MPP7: variants seen among roughly 807,000 people sequenced by gnomAD.
MPP7 encodes the protein MAGUK p55 subfamily member 7.
A neutral mutation model predicts 76.5 loss-of-function variants in MPP7; 60 were observed. The observed-to-expected ratio is 0.78, with a 90% confidence interval of 0.64 to 0.97. The LOEUF (loss-of-function observed/expected upper bound fraction) is 0.97, where lower values mean the gene tolerates loss of function less well. MPP7 is among the 50% of genes least tolerant of loss of function. MPP7 has a pLI of 0.00. For synonymous variants in MPP7, 237 were observed against 244.5 expected (o/e 0.97, Z 0.29); for missense variants, 641 against 694.0 (o/e 0.92, Z 0.86).
chr10:28,253,535 A>G (rs1387516500), intron 1 of MPP7, among the ~76,000 whole-genome samples: 1 of 152,218 alleles, frequency 6.6e-6, no homozygotes, highest in African/African-American at 2.4e-5. Context: ...GAAACCTACA[A>G]GCATCAGGAT....
chr10:28,185,487 A>G (rs189677450), intron 3 of MPP7, among the ~76,000 whole-genome samples: 349 of 152,274 alleles, frequency 2.3e-3, no homozygotes, highest in Non-Finnish European at 4.6e-3. Flanking sequence ...TGAGAAGCAA[A>G]TGATCACTAG....
In MPP7 at chr10:28,059,740, G is replaced by T. The variant is rs762483435; in HGVS notation, c.1208C>A (p.Thr403Asn). Residue 403 changes from threonine to asparagine, a missense_variant, in exon 14 of 17, where the codon ACC (threonine) becomes AAC (asparagine). Coordinates refer to ENST00000683449, the MANE Select transcript of MPP7 (RefSeq NM_001318170.2). ...CTCCTGGCTTCTTCTTGCTCTGGTG[G>T]TATCTATGATTTAATGAAAAGGAGT... ...TQHYGVTVPH[T>N]TRARRSQESD... is the part of the protein sequence containing the mutation. 3.1e-6 allele frequency: 5 copies of T among 1,608,284 alleles called. No homozygotes were observed. Among genetic ancestry groups the T allele is most frequent in the Non-Finnish European group, 4.3e-6 (5 of 1,175,524 alleles).
chr10:28,325,584 C>A (rs1166267122), intron 2 of MPP7, among the ~76,000 whole-genome samples: 1 of 152,034 alleles, frequency 6.6e-6, no homozygotes, highest in Admixed American at 6.6e-5. Context: ...ACCTCTGTCT[C>A]CCCGGTCCAA....
intron 1 of MPP7, among the ~76,000 whole-genome samples, chr10:28,333,953 G>C (rs571905674): frequency 6.6e-6 from 1 of 152,196 alleles, no homozygotes; most frequent in African/African-American, 2.4e-5. Flanking sequence ...AGCACTTTGG[G>C]AGGCCAAGGC....
At chr10:28,226,298 G>T (rs181093542) in intron 2 of MPP7, among the ~76,000 whole-genome samples, 1 of 152,084 alleles carries the variant, frequency 6.6e-6, no homozygotes, top group Admixed American at 6.5e-5. Context: ...CCAGGCTGGA[G>T]TGCAGTGGTA....
chr10:28,305,651 G>C (rs1841249708), upstream of MPP7: 1 of 152,206 alleles, frequency 6.6e-6, no homozygotes, highest in Non-Finnish European at 1.5e-5. Flanking sequence ...AGAGAAAAGG[G>C]ACAGGGTTCT....
chr10:28,275,960 C>T (rs185197806), intron 1 of MPP7, among the ~76,000 whole-genome samples: 96 of 151,836 alleles, frequency 6.3e-4, no homozygotes, highest in Non-Finnish European at 1.2e-3. Context: ...CTTGGAGAAC[C>T]TAGCACATAG....
At chr10:28,068,839 T>C (rs900615022) in intron 13 of MPP7, among the ~76,000 whole-genome samples, 1 of 152,166 alleles carries the variant, frequency 6.6e-6, no homozygotes, top group African/African-American at 2.4e-5. Flanking sequence ...TAGAAGAAAA[T>C]TTGTAAGTAA....
intron 13 of MPP7, among the ~76,000 whole-genome samples, chr10:28,065,148 T>C (rs1267317130): frequency 6.6e-6 from 1 of 152,232 alleles, no homozygotes; most frequent in Non-Finnish European, 1.5e-5. Flanking sequence ...GATTTCTTTC[T>C]TACGGACAGA....
chr10:28,122,026 T>C (rs1025383810), intron 8 of MPP7, among the ~76,000 whole-genome samples: 26 of 152,332 alleles, frequency 1.7e-4, no homozygotes, highest in African/African-American at 5.5e-4. Context: ...GTTTAAATAA[T>C]AGAATTTTAT....
intron 3 of MPP7, among the ~76,000 whole-genome samples, chr10:28,201,752 T>C (rs909883333): frequency 2.6e-5 from 4 of 152,234 alleles, no homozygotes; most frequent in African/African-American, 7.2e-5. Flanking sequence ...AAGGAAATTA[T>C]TTTAAATTAA....
chr10:28,143,355 A>G (rs1835588969), intron 5 of MPP7, among the ~76,000 whole-genome samples: 1 of 152,208 alleles, frequency 6.6e-6, no homozygotes, highest in Non-Finnish European at 1.5e-5. Flanking sequence ...TGAATGAAAA[A>G]TACAATTACG....
rs77282676 is a variant in MPP7 at position 28,122,028 on chromosome 10, G to C, written c.616-1360C>G. Among the ~76,000 whole-genome samples the C allele has an allele frequency of 7.2e-3, 1,090 of 152,222 alleles. 14 individuals are homozygous for C. Among genetic ancestry groups the C allele is most frequent in the African/African-American group, 0.025 (1,037 of 41,540 alleles). On this transcript the variant is annotated intron_variant, in intron 8 of 16. Transcript: ENST00000683449. Reference sequence around the variant, plus strand: ...TGGGATTCTGATAGTTTAAATAATAGAATTTTATAAAGGGTTGATTTATTT... The same window carrying C: ...TGGGATTCTGATAGTTTAAATAATACAATTTTATAAAGGGTTGATTTATTT...
At chr10:28,320,583 G>A (rs1395468550) in intron 2 of MPP7, among the ~76,000 whole-genome samples, 3 of 151,930 alleles carry the variant, frequency 2.0e-5, no homozygotes, top group African/African-American at 4.8e-5. Flanking sequence ...TAAAACTATC[G>A]AAGTGACCGA....
At chr10:28,251,334 T>C (rs1200072744) in intron 1 of MPP7, among the ~76,000 whole-genome samples, 1 of 151,938 alleles carries the variant, frequency 6.6e-6, no homozygotes, top group African/African-American at 2.4e-5. Context: ...GTGTGGTACA[T>C]GCCTGTAGTC....
intron 13 of MPP7, among the ~76,000 whole-genome samples, chr10:28,068,329 T>C (rs1397638335): frequency 2.0e-5 from 3 of 152,078 alleles, no homozygotes; most frequent in Non-Finnish European, 4.4e-5. Context: ...AAGAAGGAAC[T>C]TGAGGTCACA....
intron 2 of MPP7, among the ~76,000 whole-genome samples, chr10:28,229,719 C>T (rs1019842150): frequency 3.3e-5 from 5 of 152,042 alleles, no homozygotes; most frequent in African/African-American, 1.2e-4. Context: ...GAAACCCCGT[C>T]TCTACTAAAA....
At chr10:28,306,707 T>G (rs1347473003), upstream of MPP7, among the ~76,000 whole-genome samples, 16 of 139,822 alleles carry the variant, frequency 1.1e-4, no homozygotes, top group South Asian at 2.2e-4. Flanking sequence ...AGATAGTTGA[T>G]AGATAGATGA....
chr10:28,131,940 T>C lies in MPP7; in HGVS notation c.316-249A>G, dbSNP rs183843502. Among the ~76,000 whole-genome samples, 25 of 152,278 alleles carry C rather than the reference T, an allele frequency of 1.6e-4. 1 individual carries two copies. The highest frequency in any genetic ancestry group is 1.2e-3 in the Admixed American group (19 of 15,300). Reference sequence around the variant, plus strand: ...CCACCTCTGTCCCCAGTGTCACTGATGTATGTAAAGAATCAACAAATAATC... The same window carrying C: ...CCACCTCTGTCCCCAGTGTCACTGACGTATGTAAAGAATCAACAAATAATC... On this transcript the variant is annotated intron_variant, in intron 5 of 16. Coordinates refer to ENST00000683449, the MANE Select transcript of MPP7 (RefSeq NM_001318170.2).
Sources: gnomAD v4.1 joint callset for allele counts (sites outside exome capture counted in the v4.1 genomes callset) on GRCh38, gnomAD v4.1.1 for gene constraint, MANE v1.5 for transcripts, NCBI Gene and HGNC (gene_info 2026-07-23, HGNC 2026-07-21) for gene names.